Variants in RPL12 observed in about 807,000 individuals in gnomAD.
The protein encoded by RPL12 is ribosomal protein L12, also known as large ribosomal subunit protein uL11.
RPL12 carries 10 observed loss-of-function variants against 24.5 expected under a neutral mutation model. The ratio of observed to expected loss-of-function variants is 0.41; its 90% confidence interval spans 0.25 to 0.69. The LOEUF (loss-of-function observed/expected upper bound fraction) is 0.69, where lower values mean the gene tolerates loss of function less well. Among genes scored for constraint, RPL12 ranks in the 30% least tolerant of loss-of-function variants. The probability of loss-of-function intolerance (pLI) is 0.33; values close to 1 mark genes in which losing one functional copy is unlikely to be tolerated. For synonymous variants in RPL12, 74 were observed against 76.1 expected, an observed-to-expected ratio of 0.97 and a Z score of 0.14; for missense variants, 137 against 205.3, an observed-to-expected ratio of 0.67 and a Z score of 2.03.
chr9:127,449,809 A>G (rs1834241404), intron 2 of RPL12, 101 bp from the exon 3 acceptor site: 4 of 873,838 alleles, frequency 4.6e-6, no homozygotes, highest in Admixed American at 1.9e-5. Flanking sequence ...AGCTATCTCA[A>G]GTACCTAAGG....
chr9:127,449,417 C>T (rs769792000), intron 3 of RPL12, 55 bp from the exon 4 acceptor site: 56 of 1,504,000 alleles, frequency 3.7e-5, no homozygotes, highest in African/African-American at 1.1e-4. Flanking sequence ...CTGCCATGCA[C>T]GCTGGCTCTC....
Position 127,447,872 on chromosome 9 carries a change from C to T in RPL12, c.492+5G>A. ...CCCTACTGTAACAATGAAAATGTCA[C>T]TTACGGCTGGGCATTCCACAGCACC... On this transcript the variant is annotated splice_donor_5th_base_variant and intron_variant, in intron 6 of 6. Coordinates refer to ENST00000361436, the MANE Select transcript of RPL12 (RefSeq NM_000976.4). The T allele has an allele frequency of 3.1e-6, 5 of 1,611,284 alleles. No individual in the cohort carries two copies. The highest frequency in any genetic ancestry group is 3.4e-6 in the Non-Finnish European group (4 of 1,178,742).
At chr9:127,450,541 T>C in intron 2 of RPL12, 190 bp downstream of exon 2, 1 of 544,420 alleles carries the variant, frequency 1.8e-6, no homozygotes, top group South Asian at 2.6e-5. Flanking sequence ...CTAATTACAA[T>C]TTAAAGGCAC....
In RPL12 at chr9:127,451,378, T is replaced by C. The variant is rs908750597; in HGVS notation, c.-61A>G. 175 of 1,604,008 alleles carry C rather than the reference T, an allele frequency of 1.1e-4. No individual in the cohort carries two copies. Among genetic ancestry groups the C allele is most frequent in the Middle Eastern group, 9.0e-4 (4 of 4,466 alleles). On this transcript the variant is annotated 5_prime_UTR_variant, in exon 1 of 7. Transcript: ENST00000361436. The stretch of plus-strand genomic sequence containing the variant: ...GGGACGACCGAAGGAAGTTGCACCT[T>C]GGCCTCCTCCGAGCCGAAAGCCGAG...
intron 2 of RPL12, chr9:127,450,472 A>C (rs1023037541): frequency 2.2e-6 from 1 of 449,428 alleles, no homozygotes; most frequent in Non-Finnish European, 3.9e-6. Flanking sequence ...CCTAACTTCA[A>C]AACTCCCCCT....
At chr9:127,448,539 A>G in intron 4 of RPL12, 116 bp from the exon 5 acceptor site, 1 of 795,084 alleles carries the variant, frequency 1.3e-6, no homozygotes, top group East Asian at 2.4e-5. Flanking sequence ...CATCCACATG[A>G]AGAACAACCC....
chr9:127,448,435 GA>G lies in RPL12; in HGVS notation c.293-13del, dbSNP rs751700511. 9.4e-5 allele frequency: 149 copies of G among 1,581,216 alleles called. No individual in the cohort carries two copies. The East Asian group carries it at 3.3e-3, about 35-fold the overall frequency. On this transcript the variant is annotated splice_polypyrimidine_tract_variant and intron_variant, in intron 4 of 6. Transcript: ENST00000361436. ...CCCACTGTGTTTAACTGCAGAAGAG[GA>G]AACAGCAAAAGCTCTTTTAAAGTCT...
chr9:127,449,226 T>A, intron 4 of RPL12, 55 bp downstream of exon 4: 1 of 1,445,456 alleles, frequency 6.9e-7, no homozygotes, highest in Non-Finnish European at 9.7e-7. Context: ...CAGCCACATA[T>A]ATCAAACATC....
At chr9:127,450,657 A>G in intron 2 of RPL12, 74 bp downstream of exon 2, 4 of 1,157,158 alleles carry the variant, frequency 3.5e-6, no homozygotes, top group Non-Finnish European at 4.9e-6. Flanking sequence ...CCTCTGGCAC[A>G]GGCGTGACTC....
intron 1 of RPL12, 96 bp from the exon 2 acceptor site, chr9:127,450,900 C>T (rs998320654): frequency 2.1e-6 from 2 of 957,506 alleles, no homozygotes; most frequent in African/African-American, 3.3e-5. Flanking sequence ...CCCTCTGCCT[C>T]TTCTCGAAAC....
intron 2 of RPL12, chr9:127,450,503 A>C: frequency 6.0e-6 from 3 of 503,286 alleles, no homozygotes; most frequent in Non-Finnish European, 1.1e-5. Flanking sequence ...CCTCAGGTAC[A>C]CTAAAGCAGC....
chr9:127,447,854 G>C, intron 6 of RPL12, 23 bp downstream of exon 6: 4 of 1,610,578 alleles, frequency 2.5e-6, no homozygotes, highest in Non-Finnish European at 3.4e-6. Flanking sequence ...CACCCCTACT[G>C]TAACAATGAA....
chr9:127,448,679 G>A (rs1186119531), intron 4 of RPL12: 1 of 696,216 alleles, frequency 1.4e-6, no homozygotes, highest in African/African-American at 1.7e-5. Context: ...GGCAGAAACT[G>A]TTTTAGAGAA....
intron 6 of RPL12, 56 bp from the exon 7 acceptor site, chr9:127,447,782 C>T (rs1018707657): frequency 1.9e-6 from 3 of 1,613,028 alleles, no homozygotes; most frequent in Non-Finnish European, 2.5e-6. Flanking sequence ...TCCCACCCCA[C>T]CAGTAACCAT....
intron 1 of RPL12, 159 bp from the exon 2 acceptor site, chr9:127,450,963 C>T (rs747245980): frequency 1.5e-6 from 1 of 669,172 alleles, no homozygotes; most frequent in Non-Finnish European, 2.6e-6. Context: ...TGGGCAGCTC[C>T]GAAACTCACA....
At chr9:127,449,571 C>G in intron 3 of RPL12, 39 bp downstream of exon 3, 1 of 1,542,588 alleles carries the variant, frequency 6.5e-7, no homozygotes, top group Non-Finnish European at 9.0e-7. Context: ...CTACCTGTCC[C>G]CCCACCCTCC....
intron 4 of RPL12, among the ~76,000 whole-genome samples, chr9:127,448,880 G>A (rs1219639643): frequency 6.6e-6 from 1 of 150,860 alleles, no homozygotes; most frequent in African/African-American, 2.4e-5. Flanking sequence ...CCAGGCTGGA[G>A]TGCAGTGGCA....
chr9:127,448,412 CACTGTGTTTA>C lies in RPL12; in HGVS notation c.294_303del (p.Ile98MetfsTer21). 6.2e-7 allele frequency: 1 copy of C among 1,612,288 alleles called. No homozygotes were observed. The highest frequency in any genetic ancestry group is 1.3e-5 in the African/African-American group (1 of 74,880). On this transcript the variant is annotated frameshift_variant and splice_region_variant, in exon 5 of 7. Transcript: ENST00000361436. LOFTEE classifies it high-confidence loss of function. ...ACAATCTCATCAAAAGTGATATTCC[CACTGTGTTTA>C]ACTGCAGAAGAGGAAACAGCAAAAG...
At chr9:127,449,224 T>C (rs1834226010) in intron 4 of RPL12, 57 bp downstream of exon 4, 2 of 1,419,234 alleles carry the variant, frequency 1.4e-6, no homozygotes, top group Non-Finnish European at 9.9e-7. Flanking sequence ...CACAGCCACA[T>C]ATATCAAACA....
Sources: gnomAD v4.1 joint callset for allele counts (sites outside exome capture counted in the v4.1 genomes callset) on GRCh38, gnomAD v4.1.1 for gene constraint, MANE v1.5 for transcripts, NCBI Gene and HGNC (gene_info 2026-07-23, HGNC 2026-07-21) for gene names.